Variants in MEIKIN observed in about 807,000 individuals in gnomAD.
MEIKIN encodes meiotic kinetochore factor, also known as meiosis-specific kinetochore protein.
chr5:131,894,220 G>A (rs1750992908), intron 8 of MEIKIN, among the ~76,000 whole-genome samples: 1 of 152,116 alleles, frequency 6.6e-6, no homozygotes, highest in African/African-American at 2.4e-5. Flanking sequence ...GATGTGTGGT[G>A]TTATTTCTGA....
intron 11 of MEIKIN, among the ~76,000 whole-genome samples, chr5:131,829,043 C>A (rs1220201045): frequency 6.6e-6 from 1 of 151,880 alleles, no homozygotes; most frequent in Non-Finnish European, 1.5e-5. Flanking sequence ...ACCACTGAAG[C>A]ACATCATCAT....
At chr5:131,887,120 T>C (rs1423761993) in intron 8 of MEIKIN, among the ~76,000 whole-genome samples, 2 of 152,030 alleles carry the variant, frequency 1.3e-5, no homozygotes, top group African/African-American at 4.8e-5. Flanking sequence ...CTGAGAATGA[T>C]GGTTTCCAGC....
At position 131,808,161 on chromosome 5, in the gene MEIKIN, G is replaced by T. The variant is rs149791674; in HGVS notation, c.1100-903C>A. ...ACAAGTACATTAAAGTCTGGGAAGTGCTGGCTATACCTACTACTCTCTACT... is the reference window on the plus strand; with the variant it reads ...ACAAGTACATTAAAGTCTGGGAAGTTCTGGCTATACCTACTACTCTCTACT... On this transcript the variant is annotated intron_variant, in intron 12 of 12. Transcript: ENST00000442687. Among the ~76,000 whole-genome samples the T allele has an allele frequency of 6.2e-3, 940 of 152,330 alleles. 9 individuals carry two copies. The Middle Eastern group carries it at 0.075, about 12-fold the overall frequency.
intron 10 of MEIKIN, among the ~76,000 whole-genome samples, chr5:131,852,995 G>A (rs1056105552): frequency 5.3e-5 from 8 of 152,072 alleles, no homozygotes; most frequent in South Asian, 2.1e-4. Context: ...TTGGGCCACT[G>A]GAAAGACTGT....
chr5:131,857,655 C>A (rs1750218386), intron 9 of MEIKIN, among the ~76,000 whole-genome samples: 1 of 152,190 alleles, frequency 6.6e-6, no homozygotes, highest in Non-Finnish European at 1.5e-5. Flanking sequence ...CGCTGACCAG[C>A]CACCATGGAT....
Position 131,807,839 on chromosome 5 carries a change from C to T in MEIKIN, c.1100-581G>A, listed in dbSNP as rs373667237. On this transcript the variant is annotated intron_variant, in intron 12 of 12. Coordinates refer to ENST00000442687, the MANE Select transcript of MEIKIN (RefSeq NM_001303622.2). Reference sequence around the variant, plus strand: ...TACCTCATCCTCTGGCCAAATCAGCCGATATCAATGGCTCTGAAATTTTGT... The same window carrying T: ...TACCTCATCCTCTGGCCAAATCAGCTGATATCAATGGCTCTGAAATTTTGT... Among the ~76,000 whole-genome samples the T allele has an allele frequency of 3.9e-5, 6 of 152,244 alleles. No individual in the cohort carries two copies. In the East Asian group the frequency reaches 7.7e-4, roughly 20 times the overall value.
At chr5:131,862,520 C>G (rs1203168923) in intron 9 of MEIKIN, among the ~76,000 whole-genome samples, 1 of 152,028 alleles carries the variant, frequency 6.6e-6, no homozygotes, top group African/African-American at 2.4e-5. Context: ...CCTTAAAGTG[C>G]ATCACTAAAT....
intron 11 of MEIKIN, among the ~76,000 whole-genome samples, chr5:131,838,084 A>C (rs1362001768): frequency 6.6e-6 from 1 of 152,158 alleles, no homozygotes; most frequent in Non-Finnish European, 1.5e-5. Context: ...GAATTTTATC[A>C]AAAACCTCTT....
intron 9 of MEIKIN, among the ~76,000 whole-genome samples, chr5:131,860,818 G>A (rs1183091180): frequency 4.7e-5 from 6 of 126,346 alleles, no homozygotes; most frequent in African/African-American, 1.8e-4. Context: ...CTGAAGTGCA[G>A]TGGCACAATC....
intron 9 of MEIKIN, among the ~76,000 whole-genome samples, chr5:131,855,587 A>G (rs1750178767): frequency 6.6e-6 from 1 of 151,870 alleles, no homozygotes; most frequent in African/African-American, 2.4e-5. Context: ...GAGGTAGAGG[A>G]GAGGAGAGGA....
At chr5:131,823,386 TC>T (rs1749554626) in intron 11 of MEIKIN, among the ~76,000 whole-genome samples, 1 of 151,472 alleles carries the variant, frequency 6.6e-6, no homozygotes, top group African/African-American at 2.5e-5. Context: ...TATTCTTTCT[TC>T]TTTTGTCTCC....
At chr5:131,930,769 T>C (rs948721599) in intron 5 of MEIKIN, among the ~76,000 whole-genome samples, 2 of 152,134 alleles carry the variant, frequency 1.3e-5, no homozygotes, top group African/African-American at 4.8e-5. Flanking sequence ...ATTGGGATTA[T>C]AGGCATGAGC....
At chr5:131,869,194 T>A (rs1485307507) in intron 9 of MEIKIN, among the ~76,000 whole-genome samples, 1 of 152,226 alleles carries the variant, frequency 6.6e-6, no homozygotes, top group Non-Finnish European at 1.5e-5. Flanking sequence ...GTTTTTGCAT[T>A]TGGGGGTCCA....
intron 9 of MEIKIN, among the ~76,000 whole-genome samples, chr5:131,856,865 A>T (rs1268518241): frequency 2.6e-5 from 4 of 151,564 alleles, no homozygotes; most frequent in African/African-American, 9.7e-5. Flanking sequence ...TTAATAAAAG[A>T]CTAGTTCTTA....
intron 8 of MEIKIN, among the ~76,000 whole-genome samples, chr5:131,899,659 A>G (rs1751122231): frequency 6.6e-6 from 1 of 152,210 alleles, no homozygotes; most frequent in African/African-American, 2.4e-5. Context: ...TTCCATGCCA[A>G]TGGAAGTCAA....
chr5:131,888,682 T>A (rs1486616621), intron 8 of MEIKIN, among the ~76,000 whole-genome samples: 2 of 152,236 alleles, frequency 1.3e-5, no homozygotes, highest in Admixed American at 6.5e-5. Context: ...CTGATGGTAG[T>A]TTCTTTTGCT....
chr5:131,912,994 C>T (rs1287094271), intron 7 of MEIKIN, among the ~76,000 whole-genome samples: 1 of 152,134 alleles, frequency 6.6e-6, no homozygotes, highest in African/African-American at 2.4e-5. Flanking sequence ...TAGAAATGTA[C>T]AGGAAAGTCT....
intron 11 of MEIKIN, among the ~76,000 whole-genome samples, chr5:131,845,272 TAAAAAAAAAAAAAA>T (rs1158220526): frequency 6.6e-5 from 3 of 45,352 alleles, no homozygotes; most frequent in African/African-American, 4.2e-4. Context: ...GACTTCGTCT[TAAAAAAAAAAAAAA>T]AAAAAAAAAA....
At chr5:131,820,218 T>C (rs532915034) in intron 11 of MEIKIN, among the ~76,000 whole-genome samples, 4 of 151,970 alleles carry the variant, frequency 2.6e-5, no homozygotes, top group African/African-American at 9.6e-5. Context: ...ATTACAGGTG[T>C]GTGCCACCAC....
Sources: allele counts gnomAD v4.1 joint callset (sites outside exome capture counted in the v4.1 genomes callset), GRCh38; gene constraint gnomAD v4.1.1; transcripts MANE v1.5; gene names NCBI Gene and HGNC (gene_info 2026-07-23, HGNC 2026-07-21).